The following TAFA5 variants were observed in gnomAD, a reference collection of about 807,000 sequenced individuals.
The protein encoded by TAFA5 is chemokine-like protein TAFA-5.
A neutral mutation model predicts 15.3 loss-of-function variants in TAFA5; 6 were observed. That is an observed-to-expected ratio of 0.39 (90% confidence interval 0.21 to 0.77). The LOEUF (loss-of-function observed/expected upper bound fraction) is 0.77. Ranked by LOEUF, TAFA5 falls within the 30% of genes least tolerant of loss-of-function variation. The pLI, the probability that TAFA5 is intolerant of heterozygous loss-of-function variation, is 0.41. For synonymous variants in TAFA5, 103 were observed against 80.7 expected, an observed-to-expected ratio of 1.28 and a Z score of -1.48; for missense variants, 161 against 193.1, an observed-to-expected ratio of 0.83 and a Z score of 0.98.
chr22:48,641,829 G>T (rs540999934), intron 1 of TAFA5, among the ~76,000 whole-genome samples: 64 of 152,238 alleles, frequency 4.2e-4, no homozygotes, highest in African/African-American at 1.5e-3. Context: ...GTGGGAGTTG[G>T]CACTGGAGAA....
intron 1 of TAFA5, among the ~76,000 whole-genome samples, chr22:48,551,457 G>A (rs1922852972): frequency 6.6e-6 from 1 of 152,226 alleles, no homozygotes; most frequent in Non-Finnish European, 1.5e-5. Flanking sequence ...AAGAACTGGA[G>A]GAGCTGCATG....
intron 1 of TAFA5, chr22:48,539,333 A>T: frequency 1.1e-5 from 5 of 469,342 alleles, no homozygotes; most frequent in Non-Finnish European, 2.2e-5. Context: ...GGCAAAGCCG[A>T]TACCCTAATA....
intron 1 of TAFA5, among the ~76,000 whole-genome samples, chr22:48,519,796 C>T (rs1182631715): frequency 6.6e-6 from 1 of 152,170 alleles, no homozygotes; most frequent in Non-Finnish European, 1.5e-5. Flanking sequence ...ACCTCTTGCC[C>T]ATCCCAGTCA....
intron 2 of TAFA5, among the ~76,000 whole-genome samples, chr22:48,695,680 G>A (rs1391401190): frequency 2.0e-5 from 3 of 152,190 alleles, no homozygotes; most frequent in African/African-American, 7.2e-5. Flanking sequence ...TTCATGGGTT[G>A]TGTGGTTCTC....
intron 3 of TAFA5, among the ~76,000 whole-genome samples, chr22:48,741,279 G>A (rs534709943): frequency 5.3e-5 from 8 of 152,020 alleles, no homozygotes; most frequent in South Asian, 4.1e-4. Context: ...AGGTGGAGCC[G>A]TCCTCACCCC....
chr22:48,711,410 G>A (rs4989007), intron 3 of TAFA5, among the ~76,000 whole-genome samples: 9,935 of 152,036 alleles, frequency 0.065, 441 homozygotes, highest in Non-Finnish European at 0.092. Context: ...CCAGGGGACC[G>A]GGGTGGGCCC....
At position 48,751,317 on chromosome 22, in the gene TAFA5, G is replaced by A. The variant is rs1199597613; in HGVS notation, c.*1470G>A. 6.6e-6 allele frequency: 1 copy of A among 152,412 alleles called. No homozygotes were observed. The highest frequency in any genetic ancestry group is 2.4e-5 in the African/African-American group (1 of 41,456). 9.4% of individuals were successfully genotyped at this position (152,412 alleles called of 1,614,324 possible). On this transcript the variant is annotated 3_prime_UTR_variant, in exon 4 of 4. Coordinates refer to ENST00000402357, the MANE Select transcript of TAFA5 (RefSeq NM_001082967.3). The stretch of plus-strand genomic sequence containing the variant: ...CGTGTCACTAGGTCCAGAAAGTCGC[G>A]CCGGGCAGAGGCGCAGGCGGGGCCG...
intron 2 of TAFA5, among the ~76,000 whole-genome samples, chr22:48,690,907 G>A (rs1928520427): frequency 6.6e-6 from 1 of 152,198 alleles, no homozygotes; most frequent in Non-Finnish European, 1.5e-5. Context: ...TGTCGTGGAG[G>A]GAGGACGCCT....
intron 1 of TAFA5, chr22:48,543,937 A>C (rs1466431350): frequency 6.6e-6 from 1 of 152,250 alleles, no homozygotes; most frequent in Non-Finnish European, 1.5e-5. Context: ...GATGGCTTTC[A>C]GGGCTGGAGT....
Position 48,560,927 on chromosome 22 carries a change from G to T in TAFA5, c.112+71223G>T, listed in dbSNP as rs764907424. Among the ~76,000 whole-genome samples the T allele has an allele frequency of 6.6e-6, 1 of 152,124 alleles. No homozygotes were observed. The highest frequency in any genetic ancestry group is 2.4e-5 in the African/African-American group (1 of 41,432). On this transcript the variant is annotated intron_variant, in intron 1 of 3. Transcript: ENST00000402357. This position sits in a 1 kb window ranked among gnomAD's most constrained non-coding sequence, Gnocchi z 4.2. ...GCCTGGCCTCACAGTTGTCTTTAAA[G>T]TGGCTTTTGTTTGGCTCCTGTGTGT...
intron 1 of TAFA5, among the ~76,000 whole-genome samples, chr22:48,518,704 C>G (rs1204850463): frequency 2.0e-5 from 3 of 152,138 alleles, no homozygotes; most frequent in Non-Finnish European, 2.9e-5. Context: ...AACAGGGGGC[C>G]TGCAGAGGAA....
intron 1 of TAFA5, among the ~76,000 whole-genome samples, chr22:48,527,380 C>T (rs1485307280): frequency 6.6e-6 from 1 of 152,234 alleles, no homozygotes; most frequent in South Asian, 2.1e-4. Flanking sequence ...GCTATGGTGT[C>T]GCCTGGCACC....
At chr22:48,690,103 C>G (rs1372342519) in intron 2 of TAFA5, among the ~76,000 whole-genome samples, 1 of 152,000 alleles carries the variant, frequency 6.6e-6, no homozygotes, top group Admixed American at 6.5e-5. Context: ...AGCTGGAGGC[C>G]AGGGGCCTGT....
In TAFA5 at chr22:48,634,013, C is replaced by G. The variant is rs535000657; in HGVS notation, c.113-12584C>G. ...GGCCTGGGGTCACAGGGCCTGTTGACGGTGCACTGCCCCCACTGCCCTCAG... is the reference window on the plus strand; with the variant it reads ...GGCCTGGGGTCACAGGGCCTGTTGAGGGTGCACTGCCCCCACTGCCCTCAG... On this transcript the variant is annotated intron_variant, in intron 1 of 3. Coordinates refer to ENST00000402357, the MANE Select transcript of TAFA5 (RefSeq NM_001082967.3). 3.7e-3 allele frequency among the ~76,000 whole-genome samples: 567 copies of G among 151,548 alleles called. 2 individuals are homozygous for G. Among genetic ancestry groups the G allele is most frequent in the African/African-American group, 0.013 (538 of 40,834 alleles).
At chr22:48,531,671 GCC>G (rs58083704) in intron 1 of TAFA5, among the ~76,000 whole-genome samples, 11,272 of 152,184 alleles carry the variant, frequency 0.074, 922 homozygotes, top group East Asian at 0.24. Flanking sequence ...CCCCCAGCGC[GCC>G]CTCCTGCTGA....
chr22:48,594,456 C>A (rs942401544), intron 1 of TAFA5, among the ~76,000 whole-genome samples: 4 of 152,336 alleles, frequency 2.6e-5, no homozygotes, highest in African/African-American at 9.6e-5. Flanking sequence ...GCTACGCCCA[C>A]GGGGATGGGA....
intron 2 of TAFA5, among the ~76,000 whole-genome samples, chr22:48,656,168 C>G (rs951444085): frequency 6.6e-6 from 1 of 152,064 alleles, no homozygotes; most frequent in Admixed American, 6.6e-5. Context: ...CAGGGTGTTG[C>G]TTGCTCTCTA....
chr22:48,739,228 G>C (rs1161927719), intron 3 of TAFA5, among the ~76,000 whole-genome samples: 1 of 152,136 alleles, frequency 6.6e-6, no homozygotes, highest in African/African-American at 2.4e-5. Context: ...CCATTGGAAA[G>C]ACAGAAATAT....
chr22:48,629,268 C>T (rs932486753), intron 1 of TAFA5, among the ~76,000 whole-genome samples: 1 of 152,168 alleles, frequency 6.6e-6, no homozygotes, highest in Non-Finnish European at 1.5e-5. Context: ...TTGCTCAGCT[C>T]ACACGCCCTC....
Sources: gnomAD v4.1 joint callset for allele counts (sites outside exome capture counted in the v4.1 genomes callset) on GRCh38, gnomAD v4.1.1 for gene constraint, Gnocchi (gnomAD v3.1) non-coding constraint, MANE v1.5 for transcripts, NCBI Gene and HGNC (gene_info 2026-07-23, HGNC 2026-07-21) for gene names.